GIPC2: variants seen among roughly 807,000 people sequenced by gnomAD.
GIPC2 encodes GIPC PDZ domain containing family member 2.
Under a neutral mutation model 30.6 loss-of-function variants are expected in GIPC2, and 30 were observed. That is an observed-to-expected ratio of 0.98 (90% CI 0.73 to 1.33). GIPC2 has a LOEUF of 1.33. Among genes scored for constraint, GIPC2 ranks in the 40% most tolerant of loss-of-function variants. The pLI is 0.00. For synonymous variants in GIPC2, 167 were observed against 150.0 expected, an observed-to-expected ratio of 1.11 and a Z score of -0.83; for missense variants, 414 against 390.3, an observed-to-expected ratio of 1.06 and a Z score of -0.51.
intron 2 of GIPC2, among the ~76,000 whole-genome samples, chr1:78,087,223 C>T (rs1661946499): frequency 6.6e-6 from 1 of 152,088 alleles, no homozygotes; most frequent in South Asian, 2.1e-4. Flanking sequence ...ACATTCTTCA[C>T]AGAACTATAA....
At chr1:78,092,028 T>C (rs552083709) in intron 2 of GIPC2, 14 of 1,528,774 alleles carry the variant, frequency 9.2e-6, no homozygotes, top group Admixed American at 8.4e-5. Context: ...TCAGGACTCA[T>C]CGCCCTCCTG....
intron 4 of GIPC2, among the ~76,000 whole-genome samples, chr1:78,121,330 G>C (rs1212024968): frequency 1.3e-5 from 2 of 152,140 alleles, no homozygotes; most frequent in East Asian, 3.9e-4. Context: ...GGGGGGCAGG[G>C]GCAAGGCTCT....
Position 78,135,781 on chromosome 1 carries a change from C to T in GIPC2, c.*38C>T. 1 of 1,539,486 alleles carries T rather than the reference C, an allele frequency of 6.5e-7. No homozygotes were observed. The highest frequency in any genetic ancestry group is 8.8e-7 in the Non-Finnish European group (1 of 1,140,598). ...ATCTCTGAAGAAACAACCCATCGTT[C>T]TTTTTTTTCTCTTTTTTAAAAAGTC... On this transcript the variant is annotated 3_prime_UTR_variant, in exon 6 of 6. Coordinates refer to ENST00000370759, the MANE Select transcript of GIPC2 (RefSeq NM_017655.6).
intron 1 of GIPC2, among the ~76,000 whole-genome samples, chr1:78,047,573 T>C (rs1661119250): frequency 6.6e-6 from 1 of 152,078 alleles, no homozygotes; most frequent in Non-Finnish European, 1.5e-5. Flanking sequence ...CTTTGATCTC[T>C]AGGGGAGGCA....
intron 2 of GIPC2, among the ~76,000 whole-genome samples, chr1:78,094,500 A>T (rs757015134): frequency 2.0e-5 from 3 of 152,180 alleles, no homozygotes; most frequent in Non-Finnish European, 2.9e-5. Flanking sequence ...GAAATAACAA[A>T]TGTAAAGTGC....
At chr1:78,094,282 A>T (rs995508127) in intron 2 of GIPC2, among the ~76,000 whole-genome samples, 15 of 152,250 alleles carry the variant, frequency 9.9e-5, no homozygotes, top group African/African-American at 3.6e-4. Flanking sequence ...TAATGAAGGG[A>T]CTTTGCAGAT....
At chr1:78,050,260 C>T (rs1479945383) in intron 1 of GIPC2, among the ~76,000 whole-genome samples, 1 of 152,154 alleles carries the variant, frequency 6.6e-6, no homozygotes, top group Non-Finnish European at 1.5e-5. Flanking sequence ...ATTCTAAACA[C>T]TAACCTGGAA....
At chr1:78,059,041 C>G (rs1661346778) in intron 1 of GIPC2, among the ~76,000 whole-genome samples, 1 of 152,212 alleles carries the variant, frequency 6.6e-6, no homozygotes, top group African/African-American at 2.4e-5. Context: ...AGTCTTCCCT[C>G]TTGTTGGGGT....
chr1:78,087,051 T>C (rs1176672978), intron 2 of GIPC2, among the ~76,000 whole-genome samples: 1 of 152,214 alleles, frequency 6.6e-6, no homozygotes, highest in South Asian at 2.1e-4. Flanking sequence ...TGTGTAAGTA[T>C]GTTTTGTATT....
At position 78,046,043 on chromosome 1, in the gene GIPC2, G is replaced by A; in HGVS notation, c.-52G>A. ...GGCGCAAAGTCCGAGGCGCCGGGGG[G>A]AGGAGGCGGCGGACGGCAGCGCAGG... On this transcript the variant is annotated 5_prime_UTR_variant, in exon 1 of 6. Coordinates refer to ENST00000370759, the MANE Select transcript of GIPC2 (RefSeq NM_017655.6). 2 of 1,399,594 alleles carry A rather than the reference G, an allele frequency of 1.4e-6. No individual in the cohort carries two copies. The highest frequency in any genetic ancestry group is 1.9e-6 in the Non-Finnish European group (2 of 1,079,228). The allele number at this position is 1,399,594 out of a possible 1,614,324, so 86.7% of individuals were successfully genotyped here.
intron 1 of GIPC2, among the ~76,000 whole-genome samples, chr1:78,061,497 GT>G (rs200656816): frequency 3.4e-5 from 5 of 147,058 alleles, no homozygotes; most frequent in Admixed American, 1.4e-4. Flanking sequence ...TTTTTTGTTT[GT>G]TTTTTTTTTG....
Position 78,135,960 on chromosome 1 carries a change from G to A in GIPC2, c.*217G>A. ...GCTTAAGAGAAATGACCTAAATAAGGATCAATTGTAATATTCATTCAAAAG... is the reference window on the plus strand; with the variant it reads ...GCTTAAGAGAAATGACCTAAATAAGAATCAATTGTAATATTCATTCAAAAG... On this transcript the variant is annotated 3_prime_UTR_variant, in exon 6 of 6. Transcript: ENST00000370759. 1 of 400,326 alleles carries A rather than the reference G, an allele frequency of 2.5e-6. No individual in the cohort carries two copies. The highest frequency in any genetic ancestry group is 6.5e-4 in the Middle Eastern group (1 of 1,542). The allele number at this position is 400,326 out of a possible 1,614,324, so 24.8% of individuals were successfully genotyped here. A position where few individuals can be genotyped will look rare whatever the true frequency, so the allele number is the denominator to read the frequency against.
intron 3 of GIPC2, among the ~76,000 whole-genome samples, chr1:78,114,373 A>C (rs1348134324): frequency 6.6e-6 from 1 of 152,190 alleles, no homozygotes; most frequent in Non-Finnish European, 1.5e-5. Context: ...CCAGGCTATA[A>C]ATATATGTGG....
chr1:78,099,420 T>G (rs907940945), intron 3 of GIPC2, among the ~76,000 whole-genome samples: 1 of 151,624 alleles, frequency 6.6e-6, no homozygotes, highest in Non-Finnish European at 1.5e-5. Flanking sequence ...AGGAAAAGCT[T>G]TCTTTTCTTT....
intron 3 of GIPC2, among the ~76,000 whole-genome samples, chr1:78,099,759 G>T (rs1454465071): frequency 6.6e-6 from 1 of 152,034 alleles, no homozygotes; most frequent in Non-Finnish European, 1.5e-5. Context: ...TCTAAGGAAA[G>T]AGATTTGAGT....
intron 1 of GIPC2, among the ~76,000 whole-genome samples, chr1:78,073,395 C>A (rs1042193185): frequency 6.6e-6 from 1 of 152,152 alleles, no homozygotes; most frequent in Non-Finnish European, 1.5e-5. Context: ...TGAGCCATTG[C>A]ACCCAGACTT....
At chr1:78,047,563 C>T (rs1423883392) in intron 1 of GIPC2, among the ~76,000 whole-genome samples, 2 of 151,656 alleles carry the variant, frequency 1.3e-5, no homozygotes, top group African/African-American at 2.4e-5. Flanking sequence ...GGACACTTTC[C>T]TTTGATCTCT....
chr1:78,086,656 T>A (rs1661932609), intron 2 of GIPC2, among the ~76,000 whole-genome samples: 1 of 152,226 alleles, frequency 6.6e-6, no homozygotes, highest in South Asian at 2.1e-4. Context: ...CTTGTCAGAT[T>A]GAACCCTTTT....
intron 3 of GIPC2, among the ~76,000 whole-genome samples, chr1:78,111,010 C>CG (rs1375577598): frequency 6.6e-6 from 1 of 152,176 alleles, no homozygotes; most frequent in African/African-American, 2.4e-5. Flanking sequence ...ATTGCTGGTG[C>CG]GCACATCCTG....
Sources: gnomAD v4.1 joint callset for allele counts (sites outside exome capture counted in the v4.1 genomes callset) on GRCh38, gnomAD v4.1.1 for gene constraint, MANE v1.5 for transcripts, NCBI Gene and HGNC (gene_info 2026-07-23, HGNC 2026-07-21) for gene names.